ANKFN1: variants seen among roughly 807,000 people sequenced by gnomAD.
The protein encoded by ANKFN1 is ankyrin repeat and fibronectin type III domain containing 1, also known as ankyrin repeat and fibronectin type-III domain-containing protein 1.
Under a neutral mutation model 108.7 loss-of-function variants are expected in ANKFN1, and 74 were observed. That is an observed-to-expected ratio of 0.68 (90% CI 0.56 to 0.83). ANKFN1 has a LOEUF of 0.83. Among genes scored for constraint, ANKFN1 ranks in the 40% least tolerant of loss-of-function variants. The pLI is 0.00. For missense variants in ANKFN1, 1,505 were observed against 1,382.3 expected (o/e 1.09, Z -1.41); for synonymous variants, 547 against 516.2 (o/e 1.06, Z -0.81).
intron 4 of ANKFN1, among the ~76,000 whole-genome samples, chr17:56,124,376 G>A (rs1490894526): frequency 6.6e-6 from 1 of 152,192 alleles, no homozygotes; most frequent in African/African-American, 2.4e-5. Context: ...TGCTGCTTCT[G>A]TTATACGCCA....
chr17:56,138,532 C>CAT (rs1264662373), intron 4 of ANKFN1, among the ~76,000 whole-genome samples: 1 of 140,254 alleles, frequency 7.1e-6, no homozygotes, highest in African/African-American at 2.7e-5. Flanking sequence ...TTTTTTGAGA[C>CAT]AGAGTCTTGC....
At chr17:56,177,961 G>T (rs1911326943) in intron 1 of ANKFN1, among the ~76,000 whole-genome samples, 1 of 152,092 alleles carries the variant, frequency 6.6e-6, no homozygotes, top group South Asian at 2.1e-4. Flanking sequence ...TGTCACAATG[G>T]AATTGGTTAT....
intron 8 of ANKFN1, among the ~76,000 whole-genome samples, chr17:56,439,386 C>A (rs1262741093): frequency 6.6e-6 from 1 of 151,874 alleles, no homozygotes; most frequent in Non-Finnish European, 1.5e-5. Flanking sequence ...CAGGTATAAG[C>A]AATTACTTAA....
Position 56,360,121 on chromosome 17 carries a change from A to G in ANKFN1, c.601+6075A>G, listed in dbSNP as rs544278937. On this transcript the variant is annotated intron_variant, in intron 6 of 20. Coordinates refer to ENST00000682825, the MANE Select transcript of ANKFN1 (RefSeq NM_001370326.1). The stretch of plus-strand genomic sequence containing the variant: ...AAGAACAAGCCTTAGACAGGTCTCT[A>G]TAATGAGCCCTCAATATTTTTTTCT... Among the ~76,000 whole-genome samples, 5 of 152,322 alleles carry G rather than the reference A, an allele frequency of 3.3e-5. No individual in the cohort carries two copies. In the East Asian group the frequency reaches 9.6e-4, roughly 29 times the overall value.
intron 3 of ANKFN1, among the ~76,000 whole-genome samples, chr17:56,298,996 A>G (rs1335358227): frequency 6.6e-6 from 1 of 152,236 alleles, no homozygotes; most frequent in Admixed American, 6.5e-5. Flanking sequence ...AATAGACTTC[A>G]TCTGAGTCCC....
intron 4 of ANKFN1, among the ~76,000 whole-genome samples, chr17:56,061,265 CT>C (rs71137190): frequency 1.3e-3 from 95 of 72,932 alleles, no homozygotes; most frequent in African/African-American, 4.2e-3. Flanking sequence ...GGTAGTTTTT[CT>C]TTTTTTTTTT....
intron 3 of ANKFN1, among the ~76,000 whole-genome samples, chr17:56,314,366 A>G (rs1220775820): frequency 6.6e-6 from 1 of 152,190 alleles, no homozygotes; most frequent in Non-Finnish European, 1.5e-5. Flanking sequence ...CCAAAGGTAT[A>G]CCATTTTATA....
At chr17:56,432,435 A>G (rs775469058) in intron 8 of ANKFN1, among the ~76,000 whole-genome samples, 101 of 152,370 alleles carry the variant, frequency 6.6e-4, no homozygotes, top group Non-Finnish European at 1.1e-3. Flanking sequence ...TACACATAGT[A>G]ATAAAATGTA....
At chr17:56,150,885 G>A (rs573941222), upstream of ANKFN1, among the ~76,000 whole-genome samples, 1 of 152,160 alleles carries the variant, frequency 6.6e-6, no homozygotes, top group South Asian at 2.1e-4. Flanking sequence ...AAGTGCAAGA[G>A]AAAGAATGTG....
rs981151611 is a variant in ANKFN1 at position 56,264,960 on chromosome 17, C to T, written c.53+37003C>T. ...CCTCTAGCTCAGGCCATATCCTCAT[C>T]TACTTTTTCACATTTTTATGTGATA... On this transcript the variant is annotated intron_variant, in intron 3 of 20. Transcript: ENST00000682825. Among the ~76,000 whole-genome samples the T allele has an allele frequency of 2.6e-5, 4 of 152,288 alleles. No individual in the cohort carries two copies. In the East Asian group the frequency reaches 5.8e-4, roughly 22 times the overall value.
In ANKFN1 at chr17:56,062,307, ATCTG is replaced by A. The variant is rs555724005; in HGVS notation, c.288+15986_288+15989del. On this transcript the variant is annotated intron_variant, in intron 4 of 12. Transcript: ENST00000635860. ...TCCTTGCTAATTTTCTCTCTCATTG[ATCTG>A]TCTAATATTGACAGTGGGGTGTTAA... is the stretch of plus-strand genomic sequence containing the variant. Among the ~76,000 whole-genome samples the A allele has an allele frequency of 2.5e-3, 378 of 152,272 alleles. 4 individuals carry two copies. The highest frequency in any genetic ancestry group is 8.7e-3 in the African/African-American group (362 of 41,538).
intron 20 of ANKFN1, among the ~76,000 whole-genome samples, chr17:56,504,486 GA>G (rs1048847781): frequency 6.6e-5 from 10 of 152,096 alleles, no homozygotes; most frequent in Non-Finnish European, 1.3e-4. Flanking sequence ...ATCACCAGCA[GA>G]AGATACCATA....
intron 2 of ANKFN1, among the ~76,000 whole-genome samples, chr17:56,219,282 C>T (rs560279784): frequency 4.0e-5 from 6 of 151,676 alleles, no homozygotes; most frequent in Non-Finnish European, 7.4e-5. Flanking sequence ...AGTCTCACTC[C>T]GTCACCCAGG....
chr17:56,306,814 C>G (rs1218735441), intron 3 of ANKFN1, among the ~76,000 whole-genome samples: 1 of 152,160 alleles, frequency 6.6e-6, no homozygotes, highest in Non-Finnish European at 1.5e-5. Flanking sequence ...ATCATGCTAC[C>G]TGACTTCAAA....
chr17:56,179,350 G>A (rs1037623427), intron 1 of ANKFN1, among the ~76,000 whole-genome samples: 5 of 152,176 alleles, frequency 3.3e-5, no homozygotes, highest in Admixed American at 3.3e-4. Context: ...AGGAGAAATA[G>A]GCCAGGCTCC....
At chr17:56,193,291 T>C (rs1272370266) in intron 1 of ANKFN1, among the ~76,000 whole-genome samples, 2 of 137,424 alleles carry the variant, frequency 1.5e-5, no homozygotes, top group Non-Finnish European at 3.1e-5. Context: ...CTGGGAGATA[T>C]ACCTAATGCT....
intron 1 of ANKFN1, among the ~76,000 whole-genome samples, chr17:56,186,269 T>A (rs1047233849): frequency 6.6e-6 from 1 of 151,760 alleles, no homozygotes; most frequent in African/African-American, 2.4e-5. Context: ...TTTAGTCACC[T>A]GGGAGAGGGG....
At chr17:56,302,723 A>G (rs539159939) in intron 3 of ANKFN1, among the ~76,000 whole-genome samples, 36 of 152,236 alleles carry the variant, frequency 2.4e-4, no homozygotes, top group Non-Finnish European at 3.7e-4. Flanking sequence ...ATATATTTCT[A>G]TATTTTCTAC....
At chr17:56,448,472 A>G (rs571228487) in intron 10 of ANKFN1, among the ~76,000 whole-genome samples, 26 of 152,358 alleles carry the variant, frequency 1.7e-4, no homozygotes, top group African/African-American at 6.0e-4. Flanking sequence ...CTGAGCAGAC[A>G]GGGTGGTTGG....
Sources: allele counts gnomAD v4.1 joint callset (sites outside exome capture counted in the v4.1 genomes callset), GRCh38; gene constraint gnomAD v4.1.1; transcripts MANE v1.5; gene names NCBI Gene and HGNC (gene_info 2026-07-23, HGNC 2026-07-21).